FBF1: variants seen among roughly 807,000 people sequenced by gnomAD.
FBF1 encodes Fas binding factor 1.
Under a neutral mutation model 147.2 loss-of-function variants are expected in FBF1, and 119 were observed. That is an observed-to-expected ratio of 0.81 (90% confidence interval 0.70 to 0.94). FBF1 has a LOEUF of 0.94. Among genes scored for constraint, FBF1 ranks in the 40% least tolerant of loss-of-function variants. The pLI is 0.00. For missense variants in FBF1, 1,449 were observed against 1,500.8 expected (o/e 0.97, Z 0.57); for synonymous variants, 601 against 609.0 (o/e 0.99, Z 0.19).
At position 75,910,886 on chromosome 17, in the gene FBF1, C is replaced by T. The variant is rs971415979; in HGVS notation, c.3364-80G>A. The stretch of plus-strand genomic sequence containing the variant: ...AGCCCTGGATGCTAGCTGAGCCAGC[C>T]GTCACTGAGGCCCCTCCCCACATCG... On this transcript the variant is annotated intron_variant, in intron 29 of 29. Transcript: ENST00000636174. The surrounding 1 kb of genome is among the most constrained non-coding windows in gnomAD (Gnocchi z 4.1). 5 of 1,233,652 alleles carry T rather than the reference C, an allele frequency of 4.1e-6. No homozygotes were observed. Among genetic ancestry groups the T allele is most frequent in the East Asian group, 2.5e-5 (1 of 39,452 alleles). The allele number at this position is 1,233,652 out of a possible 1,614,324, so 76.4% of individuals were successfully genotyped here.
rs2065575710 is a variant in FBF1, at chr17:75,928,530, T to C, written c.280-337A>G. Among the ~76,000 whole-genome samples, 2 of 152,086 alleles carry C rather than the reference T, an allele frequency of 1.3e-5. No homozygotes were observed. Among genetic ancestry groups the C allele is most frequent in the Non-Finnish European group, 2.9e-5 (2 of 67,992 alleles). On this transcript the variant is annotated intron_variant, in intron 7 of 29. Transcript: ENST00000636174. This position sits in a 1 kb window ranked among gnomAD's most constrained non-coding sequence, Gnocchi z 4.2. The stretch of plus-strand genomic sequence containing the variant: ...TTTTTTCTTTTTTTAGACAGGATAT[T>C]GGCCGGGCGCGGTGGCTCATGCCTA...
In FBF1 at chr17:75,919,353, C is replaced by T. The variant is rs1032854449; in HGVS notation, c.2138+315G>A. Among the ~76,000 whole-genome samples the T allele has an allele frequency of 2.6e-5, 4 of 152,248 alleles. No homozygotes were observed. Among genetic ancestry groups the T allele is most frequent in the African/African-American group, 9.6e-5 (4 of 41,468 alleles). On this transcript the variant is annotated intron_variant, in intron 20 of 29. Coordinates refer to ENST00000636174, the MANE Select transcript of FBF1 (RefSeq NM_001319193.2). The surrounding 1 kb of genome is among the most constrained non-coding windows in gnomAD (Gnocchi z 5.0). Reference sequence around the variant, plus strand: ...AGCCTTTCCCAGGTGGATCTTGTTTCTAGCCTCTACTGCATGAGCAGGCGA... The same window carrying T: ...AGCCTTTCCCAGGTGGATCTTGTTTTTAGCCTCTACTGCATGAGCAGGCGA...
In FBF1 at chr17:75,914,774, C is replaced by T; in HGVS notation, c.2787G>A (p.Arg929=). 1.9e-6 allele frequency: 3 copies of T among 1,587,698 alleles called. No homozygotes were observed. Among genetic ancestry groups the T allele is most frequent in the Non-Finnish European group, 2.6e-6 (3 of 1,168,236 alleles). ...AERALQVDTQ[R]EGTLISLAKE... is the part of the protein sequence containing the mutation. ...TGGCCAGGCTGATGAGGGTGCCCTC[C>T]CGCTGGGTGTCCACCTGCAATGCCC... Residue 929 remains arginine (R), a synonymous_variant, in exon 25 of 30, where the codon CGG becomes CGA. Coordinates refer to ENST00000636174, the MANE Select transcript of FBF1 (RefSeq NM_001319193.2).
intron 11 of FBF1, 47 bp downstream of exon 11, chr17:75,926,241 T>A: frequency 6.2e-7 from 1 of 1,609,374 alleles, no homozygotes; most frequent in Non-Finnish European, 8.5e-7. Context: ...TCCACCAGCT[T>A]TTCCCTGAAC....
intron 25 of FBF1, 153 bp from the exon 26 acceptor site, chr17:75,914,451 C>T (rs922854705): frequency 8.2e-7 from 1 of 1,218,466 alleles, no homozygotes; most frequent in Non-Finnish European, 1.1e-6. Context: ...TGGGGCCAAG[C>T]CGGAGTGCTG....
At chr17:75,929,945 A>AGGGGGGCCC in intron 7 of FBF1, 52 bp downstream of exon 7, 2 of 650,908 alleles carry the variant, frequency 3.1e-6, no homozygotes, top group South Asian at 1.6e-5. Flanking sequence ...AAATATCATG[A>AGGGGGGCCC]CCCCACCCCA....
At chr17:75,911,348 AGTTTT>A (rs1015073433) in intron 29 of FBF1, among the ~76,000 whole-genome samples, 10 of 152,244 alleles carry the variant, frequency 6.6e-5, no homozygotes, top group Admixed American at 5.2e-4. Flanking sequence ...TTATCATTAT[AGTTTT>A]GTTTTGTTTA....
At chr17:75,938,040 G>A in intron 2 of FBF1, 107 bp downstream of exon 2, 1 of 1,529,298 alleles carries the variant, frequency 6.5e-7, no homozygotes, top group Non-Finnish European at 8.9e-7. Flanking sequence ...CTCCATCCTG[G>A]TCCTTGCCGC....
At chr17:75,930,682 G>A (rs1468415569) in intron 6 of FBF1, among the ~76,000 whole-genome samples, 4 of 152,200 alleles carry the variant, frequency 2.6e-5, no homozygotes, top group African/African-American at 9.7e-5. Context: ...ACAGTACTTT[G>A]AGAGGCCGAT....
rs1173174353 is a variant in FBF1 at position 75,919,898 on chromosome 17, G to A, written c.1932-24C>T. 1.2e-6 allele frequency: 2 copies of A among 1,613,458 alleles called. No individual in the cohort carries two copies. Among genetic ancestry groups the A allele is most frequent in the Non-Finnish European group, 1.7e-6 (2 of 1,179,744 alleles). ...TTCTGCCAACAGAACACCCAGCCAT[G>A]GCGCAAGGAAGGCAGAGGGCTGCCG... On this transcript the variant is annotated intron_variant, in intron 19 of 29. Coordinates refer to ENST00000636174, the MANE Select transcript of FBF1 (RefSeq NM_001319193.2). The surrounding 1 kb of genome is among the most constrained non-coding windows in gnomAD (Gnocchi z 5.0).
chr17:75,920,196 G>C, intron 18 of FBF1, 78 bp downstream of exon 18: 1 of 1,590,056 alleles, frequency 6.3e-7, no homozygotes, highest in Non-Finnish European at 8.6e-7. Flanking sequence ...CTCCCTCCTG[G>C]GGAAGCTTCC....
chr17:75,923,776 G>T lies in FBF1; in HGVS notation c.969-135C>A. 1.1e-6 allele frequency: 1 copy of T among 870,244 alleles called. No individual in the cohort carries two copies. The highest frequency in any genetic ancestry group is 1.7e-6 in the Non-Finnish European group (1 of 581,684). The allele number at this position is 870,244 out of a possible 1,614,324, so 53.9% of individuals were successfully genotyped here. ...GAGGCCCAGTGAGCAGTGGCTCCTG[G>T]ACCGGCTCAGGTGGCAGGCCACGTG... On this transcript the variant is annotated intron_variant, in intron 13 of 29. Transcript: ENST00000636174. The surrounding 1 kb of genome is among the most constrained non-coding windows in gnomAD (Gnocchi z 4.1).
rs748232300 is a variant in FBF1 at position 75,932,971 on chromosome 17, T to C, written c.167+24A>G. On this transcript the variant is annotated intron_variant, in intron 5 of 29. Coordinates refer to ENST00000636174, the MANE Select transcript of FBF1 (RefSeq NM_001319193.2). ...CATTTAGACTGAAGTAGGTCATGGA[T>C]ACCCAGTCGGACCCTGCCCTTACTT... The C allele has an allele frequency of 1.5e-5, 23 of 1,544,916 alleles. No homozygotes were observed. In the South Asian group the frequency reaches 2.7e-4, roughly 18 times the overall value.
chr17:75,915,606 C>T (rs2065483857), intron 23 of FBF1, among the ~76,000 whole-genome samples: 2 of 152,228 alleles, frequency 1.3e-5, no homozygotes, highest in Admixed American at 6.5e-5. Context: ...AATCAAAATG[C>T]TTCACAACAT....
chr17:75,920,515 T>C, intron 17 of FBF1, 86 bp from the exon 18 acceptor site: 3 of 1,366,646 alleles, frequency 2.2e-6, no homozygotes, highest in Non-Finnish European at 3.0e-6. Context: ...CACTGCTCAC[T>C]GGACCTCCCT....
rs753679733 is a variant in FBF1 at position 75,920,268 on chromosome 17, C to T, written c.1830+6G>A. 5 of 1,607,846 alleles carry T rather than the reference C, an allele frequency of 3.1e-6. No homozygotes were observed. In the South Asian group the frequency reaches 4.4e-5, roughly 14 times the overall value. On this transcript the variant is annotated splice_donor_region_variant and intron_variant, in intron 18 of 29. Coordinates refer to ENST00000636174, the MANE Select transcript of FBF1 (RefSeq NM_001319193.2). ...CACCAGCACCAACGGCCCCGCTGCC[C>T]CTCACCTGGGCCTCCAGCTCTGCCA...
In FBF1 at chr17:75,916,325, A is replaced by G. The variant is rs536706817; in HGVS notation, c.2506-1186T>C. ...ACAGTGAGACCCCATCTCTAAAAAA[A>G]ATTTTTTTTTTTGGCCAGGCATGGT... On this transcript the variant is annotated intron_variant, in intron 23 of 29. Transcript: ENST00000636174. 5.6e-3 allele frequency among the ~76,000 whole-genome samples: 797 copies of G among 143,508 alleles called. 4 individuals are homozygous for G. Among genetic ancestry groups the G allele is most frequent in the African/African-American group, 0.02 (757 of 38,806 alleles). The allele number at this position is 143,508 out of a possible 152,430, so 94.1% of individuals were successfully genotyped here.
At chr17:75,938,352 G>A (rs935894222) in intron 1 of FBF1, 120 bp from the exon 2 acceptor site, 3 of 688,318 alleles carry the variant, frequency 4.4e-6, no homozygotes, top group Middle Eastern at 3.2e-4. Context: ...CCTGAGGTCA[G>A]GAATTCAAGA....
intron 4 of FBF1, among the ~76,000 whole-genome samples, chr17:75,934,964 G>C (rs1412854572): frequency 1.3e-5 from 2 of 151,828 alleles, no homozygotes; most frequent in African/African-American, 4.8e-5. Context: ...TAGAGACAGA[G>C]AGTAAATAAT....
Sources: gnomAD v4.1 joint callset for allele counts (sites outside exome capture counted in the v4.1 genomes callset) on GRCh38, gnomAD v4.1.1 for gene constraint, Gnocchi (gnomAD v3.1) non-coding constraint, MANE v1.5 for transcripts, NCBI Gene and HGNC (gene_info 2026-07-23, HGNC 2026-07-21) for gene names.